The following MEOX2 variants were observed in gnomAD, a reference collection of about 807,000 sequenced individuals.
The protein encoded by MEOX2 is mesenchyme homeobox 2.
Under a neutral mutation model 27.0 loss-of-function variants are expected in MEOX2, and 11 were observed. That is an observed-to-expected ratio of 0.41 (90% CI 0.26 to 0.68). MEOX2 has a LOEUF of 0.68. Among genes scored for constraint, MEOX2 ranks in the 30% least tolerant of loss-of-function variants. The pLI is 0.33. For synonymous variants in MEOX2, 189 were observed against 155.4 expected, an observed-to-expected ratio of 1.22 and a Z score of -1.61; for missense variants, 436 against 385.4, an observed-to-expected ratio of 1.13 and a Z score of -1.10.
intron 1 of MEOX2, among the ~76,000 whole-genome samples, chr7:15,630,102 C>T (rs1335391773): frequency 1.3e-5 from 2 of 151,960 alleles, no homozygotes; most frequent in South Asian, 2.1e-4. Context: ...TGTTGTTTTT[C>T]GTCTCAGATA....
intron 1 of MEOX2, among the ~76,000 whole-genome samples, chr7:15,628,152 GT>G (rs916803395): frequency 1.1e-4 from 16 of 151,666 alleles, no homozygotes; most frequent in South Asian, 4.2e-4. Context: ...TTTAGATTAT[GT>G]TTTTTTTCAT....
chr7:15,618,169 A>C (rs1356104140), intron 2 of MEOX2, among the ~76,000 whole-genome samples: 1 of 151,898 alleles, frequency 6.6e-6, no homozygotes, highest in Non-Finnish European at 1.5e-5. Context: ...GTAAAATTCA[A>C]CTCGAATGGC....
intron 1 of MEOX2, among the ~76,000 whole-genome samples, chr7:15,656,774 A>G (rs1237116366): frequency 6.6e-6 from 1 of 151,944 alleles, no homozygotes; most frequent in Non-Finnish European, 1.5e-5. Context: ...CTATAATTTT[A>G]CCCTTGCCAT....
At position 15,673,031 on chromosome 7, in the gene MEOX2, T is replaced by C. The variant is rs540234747; in HGVS notation, c.517+12855A>G. ...AGCATCTTCGAAATTTGCCCTATTC[T>C]AAAAGCCTGGAACCAAGACCTTCAA... On this transcript the variant is annotated intron_variant, in intron 1 of 2. Transcript: ENST00000262041. 9.2e-5 allele frequency among the ~76,000 whole-genome samples: 14 copies of C among 152,346 alleles called. No individual in the cohort carries two copies. The South Asian group carries it at 1.7e-3, about 18-fold the overall frequency.
chr7:15,651,432 C>T (rs1344379649), intron 1 of MEOX2, among the ~76,000 whole-genome samples: 2 of 151,908 alleles, frequency 1.3e-5, no homozygotes, highest in African/African-American at 2.4e-5. Flanking sequence ...TTTCTAATCA[C>T]TCAAAATAAA....
intron 1 of MEOX2, among the ~76,000 whole-genome samples, chr7:15,657,455 T>A (rs1344927400): frequency 9.9e-5 from 15 of 152,178 alleles, no homozygotes. Flanking sequence ...TTTCCCTTTG[T>A]ACTGTCCATC....
chr7:15,664,608 T>G (rs1298601626), intron 1 of MEOX2, among the ~76,000 whole-genome samples: 1 of 152,150 alleles, frequency 6.6e-6, no homozygotes, highest in Admixed American at 6.6e-5. Flanking sequence ...TATGAAATAA[T>G]TTAAAAATAA....
chr7:15,669,860 G>A (rs1018333722), intron 1 of MEOX2, among the ~76,000 whole-genome samples: 2 of 152,146 alleles, frequency 1.3e-5, no homozygotes, highest in Non-Finnish European at 2.9e-5. Flanking sequence ...GGCTTTAAAG[G>A]TTAATGATTC....
intron 1 of MEOX2, among the ~76,000 whole-genome samples, chr7:15,674,788 C>T (rs2115393426): frequency 6.6e-6 from 1 of 152,184 alleles, no homozygotes; most frequent in Admixed American, 6.5e-5. Context: ...CTGGTGTTTA[C>T]ACATTGTGGG....
intron 1 of MEOX2, among the ~76,000 whole-genome samples, chr7:15,640,254 T>TTGTGTG (rs34600761): frequency 4.2e-4 from 62 of 146,002 alleles, no homozygotes; most frequent in African/African-American, 1.4e-3. Flanking sequence ...GTGTGTGTGT[T>TTGTGTG]TGTGTGTGTG....
chr7:15,637,715 A>G (rs1056925353), intron 1 of MEOX2, among the ~76,000 whole-genome samples: 1 of 152,064 alleles, frequency 6.6e-6, no homozygotes, highest in African/African-American at 2.4e-5. Flanking sequence ...GTTATTTAGA[A>G]GGAAAGAGTG....
Position 15,686,079 on chromosome 7 carries a change from G to C in MEOX2, c.324C>G (p.Leu108=). ...SSPPSAARHS[L]CLQPDSGGPP... ...GCCCTCCAGAGTCGGGCTGGAGGCA[G>C]AGGCTGTGCCGAGCCGCACTCGGTG... is the stretch of plus-strand genomic sequence containing the variant. Residue 108 remains leucine, a synonymous_variant, in exon 1 of 3, where the codon CTC becomes CTG. Transcript: ENST00000262041. 5 of 1,593,376 alleles carry C rather than the reference G, an allele frequency of 3.1e-6. No individual in the cohort carries two copies. The highest frequency in any genetic ancestry group is 2.7e-5 in the African/African-American group (2 of 74,432).
At chr7:15,625,182 T>A (rs185217795) in intron 2 of MEOX2, among the ~76,000 whole-genome samples, 2 of 152,166 alleles carry the variant, frequency 1.3e-5, no homozygotes, top group African/African-American at 2.4e-5. Context: ...GAATTCACCA[T>A]CTCTATATAA....
chr7:15,683,344 C>T (rs1038613527), intron 1 of MEOX2, among the ~76,000 whole-genome samples: 1 of 151,898 alleles, frequency 6.6e-6, no homozygotes, highest in Non-Finnish European at 1.5e-5. Context: ...TTATAAACTA[C>T]CTAACAAAAT....
At chr7:15,679,732 A>G (rs1418246302) in intron 1 of MEOX2, 3 of 152,038 alleles carry the variant, frequency 2.0e-5, no homozygotes, top group African/African-American at 7.2e-5. Context: ...CAATATTATC[A>G]TACAAGTTAA....
intron 1 of MEOX2, among the ~76,000 whole-genome samples, chr7:15,645,927 G>C (rs1269756455): frequency 7.2e-5 from 11 of 152,118 alleles, no homozygotes; most frequent in African/African-American, 2.4e-4. Flanking sequence ...AGTGTTTCTG[G>C]TTTATATCTT....
At chr7:15,663,396 G>T (rs1382801644) in intron 1 of MEOX2, among the ~76,000 whole-genome samples, 1 of 150,762 alleles carries the variant, frequency 6.6e-6, no homozygotes, top group Non-Finnish European at 1.5e-5. Context: ...GCAGTGGCAC[G>T]ATCTCAGCTC....
chr7:15,662,911 G>A (rs759440437), intron 1 of MEOX2, among the ~76,000 whole-genome samples: 4 of 152,126 alleles, frequency 2.6e-5, no homozygotes, highest in Non-Finnish European at 5.9e-5. Context: ...AGTGCATTTT[G>A]TTCTGGAGGT....
intron 2 of MEOX2, among the ~76,000 whole-genome samples, chr7:15,626,447 A>G (rs1316833846): frequency 6.6e-6 from 1 of 151,926 alleles, no homozygotes; most frequent in Non-Finnish European, 1.5e-5. Context: ...AGCATGCACA[A>G]CTCCTCACTG....
Sources: gnomAD v4.1 joint callset for allele counts (sites outside exome capture counted in the v4.1 genomes callset) on GRCh38, gnomAD v4.1.1 for gene constraint, MANE v1.5 for transcripts, NCBI Gene and HGNC (gene_info 2026-07-23, HGNC 2026-07-21) for gene names.